Variants in MYO9A observed in about 807,000 individuals in gnomAD.
The protein encoded by MYO9A is myosin IXA, also known as unconventional myosin-IXa.
In MYO9A, 103 loss-of-function variants were observed where a neutral mutation model predicts 293.3. That is an observed-to-expected ratio of 0.35 (90% CI 0.30 to 0.41). The LOEUF (loss-of-function observed/expected upper bound fraction) is 0.41, where lower values mean the gene tolerates loss of function less well. Ranked by LOEUF, MYO9A falls within the 10% of genes least tolerant of loss-of-function variation. The pLI is 1.00. For missense variants in MYO9A, 2,685 were observed against 3,033.0 expected, an observed-to-expected ratio of 0.89 and a Z score of 2.69; for synonymous variants, 1,001 against 1,035.7, an observed-to-expected ratio of 0.97 and a Z score of 0.64.
intron 12 of MYO9A, among the ~76,000 whole-genome samples, chr15:71,976,013 C>T (rs2899775): frequency 0.66 from 100,386 of 152,054 alleles, 33,918 homozygotes; most frequent in Middle Eastern, 0.74. Context: ...GCAAGCTGCT[C>T]GGGCAAATTA....
chr15:71,923,624 G>C (rs529593106), intron 18 of MYO9A, among the ~76,000 whole-genome samples: 1 of 152,088 alleles, frequency 6.6e-6, no homozygotes, highest in African/African-American at 2.4e-5. Context: ...ATTTCTTCTA[G>C]GTTTTCCAAA....
intron 22 of MYO9A, among the ~76,000 whole-genome samples, chr15:71,901,811 A>G (rs2057493344): frequency 6.6e-6 from 1 of 152,192 alleles, no homozygotes; most frequent in Non-Finnish European, 1.5e-5. Context: ...ATTACTGGTA[A>G]TAAGTCATAT....
chr15:71,868,245 G>T (rs571686742), intron 32 of MYO9A, among the ~76,000 whole-genome samples: 3 of 152,280 alleles, frequency 2.0e-5, no homozygotes, highest in African/African-American at 7.2e-5. Flanking sequence ...GCTGGTAGTT[G>T]TTCTCAGCCT....
At chr15:72,050,718 T>C (rs575039505) in intron 1 of MYO9A, among the ~76,000 whole-genome samples, 32 of 152,332 alleles carry the variant, frequency 2.1e-4, no homozygotes, top group African/African-American at 7.7e-4. Context: ...AATTCTGTTA[T>C]TGCTGGTCCA....
chr15:71,952,784 A>T (rs1011118995), intron 14 of MYO9A, among the ~76,000 whole-genome samples: 1 of 152,244 alleles, frequency 6.6e-6, no homozygotes, highest in South Asian at 2.1e-4. Flanking sequence ...AAAATGAACT[A>T]AAGTTCTATT....
chr15:72,102,403 T>A (rs1208813411), intron 1 of MYO9A, among the ~76,000 whole-genome samples: 1 of 149,558 alleles, frequency 6.7e-6, no homozygotes, highest in African/African-American at 2.4e-5. Flanking sequence ...TTCACTTGTT[T>A]ATCTGCTGAC....
intron 18 of MYO9A, among the ~76,000 whole-genome samples, chr15:71,927,662 CCT>C (rs1161718720): frequency 3.3e-5 from 5 of 151,998 alleles, no homozygotes; most frequent in African/African-American, 1.2e-4. Context: ...TGTAGATCCC[CCT>C]GATATGGATG....
chr15:72,064,519 G>C (rs576662436), intron 1 of MYO9A, among the ~76,000 whole-genome samples: 2 of 152,274 alleles, frequency 1.3e-5, no homozygotes, highest in East Asian at 3.9e-4. Context: ...TGAAACAAGA[G>C]GGAACTCTCT....
In MYO9A at chr15:71,988,469, C is replaced by T. The variant is rs1419468130; in HGVS notation, c.1722+2634G>A. 3.9e-5 allele frequency among the ~76,000 whole-genome samples: 6 copies of T among 152,266 alleles called. No homozygotes were observed. In the East Asian group the frequency reaches 7.7e-4, roughly 20 times the overall value. On this transcript the variant is annotated intron_variant, in intron 11 of 41. Coordinates refer to ENST00000356056, the MANE Select transcript of MYO9A (RefSeq NM_006901.4). ...TAATATTATAACAAATAATATCTTT[C>T]CAAAGCTCTAGGGTAGCATCTAGCT...
rs751970321 is a variant in MYO9A, at chr15:71,978,302, C to T, written c.1723-10G>A. ...CAGTTCTATATTCCTCCTAGAAAAA[C>T]CAAAAAATAAAATAACAATTTATTC... On this transcript the variant is annotated splice_polypyrimidine_tract_variant and intron_variant, in intron 11 of 41. Transcript: ENST00000356056. 6.3e-7 allele frequency: 1 copy of T among 1,587,116 alleles called. No homozygotes were observed. The highest frequency in any genetic ancestry group is 8.6e-7 in the Non-Finnish European group (1 of 1,169,520).
Position 71,960,107 on chromosome 15 carries a change from A to C in MYO9A, c.1987-11T>G, listed in dbSNP as rs767512518. 6.2e-7 allele frequency: 1 copy of C among 1,613,008 alleles called. No individual in the cohort carries two copies. Among genetic ancestry groups the C allele is most frequent in the Non-Finnish European group, 8.5e-7 (1 of 1,179,356 alleles). Reference sequence around the variant, plus strand: ...TTTTTCCCGGAAATCCTATATGAAAAAAGTACCAGTGTTACTTATGGGAAA... The same window carrying C: ...TTTTTCCCGGAAATCCTATATGAAACAAGTACCAGTGTTACTTATGGGAAA... On this transcript the variant is annotated splice_polypyrimidine_tract_variant and intron_variant, in intron 13 of 41. Transcript: ENST00000356056.
chr15:72,024,040 G>GA (rs369668299), intron 4 of MYO9A, among the ~76,000 whole-genome samples: 23 of 150,676 alleles, frequency 1.5e-4, no homozygotes, highest in African/African-American at 2.2e-4. Flanking sequence ...ACGTTGAAAG[G>GA]AAAAAAAAAT....
intron 18 of MYO9A, among the ~76,000 whole-genome samples, chr15:71,923,100 T>C (rs1255122937): frequency 1.3e-5 from 2 of 152,202 alleles, no homozygotes; most frequent in Admixed American, 1.3e-4. Context: ...GAGTGTTGAA[T>C]TTTGTCAGAT....
At chr15:72,089,453 T>C (rs1238433225) in intron 1 of MYO9A, among the ~76,000 whole-genome samples, 2 of 152,158 alleles carry the variant, frequency 1.3e-5, no homozygotes, top group Non-Finnish European at 2.9e-5. Context: ...TCAGCCACTG[T>C]GCCCGGCAGG....
intron 1 of MYO9A, among the ~76,000 whole-genome samples, chr15:72,074,091 T>C (rs2079273648): frequency 6.6e-6 from 1 of 151,960 alleles, no homozygotes; most frequent in Non-Finnish European, 1.5e-5. Context: ...ACATAAAAAA[T>C]GAAGTCTAGA....
chr15:71,899,609 G>A (rs991294665), intron 24 of MYO9A, 78 bp downstream of exon 24: 1 of 1,250,224 alleles, frequency 8.0e-7, no homozygotes, highest in Non-Finnish European at 1.1e-6. Context: ...ATACAAATTA[G>A]ACAAGTGTTA....
At chr15:71,850,303 T>G in intron 37 of MYO9A, 136 bp from the exon 38 acceptor site, 1 of 1,014,388 alleles carries the variant, frequency 9.9e-7, no homozygotes, top group East Asian at 2.6e-5. Context: ...ATCCATTAAG[T>G]TTAAGGGTCT....
At chr15:71,965,845 T>C (rs2075861146) in intron 13 of MYO9A, among the ~76,000 whole-genome samples, 1 of 152,180 alleles carries the variant, frequency 6.6e-6, no homozygotes, top group Non-Finnish European at 1.5e-5. Flanking sequence ...GTATCTCTAG[T>C]AATATTTCTG....
chr15:72,087,580 G>A (rs1186904589), intron 1 of MYO9A, among the ~76,000 whole-genome samples: 2 of 152,164 alleles, frequency 1.3e-5, no homozygotes, highest in Non-Finnish European at 2.9e-5. Context: ...CTGGTGCATA[G>A]TAGCCTTGTG....
Sources: allele counts gnomAD v4.1 joint callset (sites outside exome capture counted in the v4.1 genomes callset), GRCh38; gene constraint gnomAD v4.1.1; transcripts MANE v1.5; gene names NCBI Gene and HGNC (gene_info 2026-07-23, HGNC 2026-07-21).